COL4A1: variants seen among roughly 807,000 people sequenced by gnomAD.
COL4A1 encodes the protein collagen alpha-1(IV) chain.
COL4A1 carries 40 observed loss-of-function variants against 216.6 expected under a neutral mutation model. The observed-to-expected ratio is 0.18, with a 90% CI of 0.14 to 0.24. The LOEUF is 0.24. COL4A1 is among the 10% of genes least tolerant of loss of function. The probability of loss-of-function intolerance (pLI) is 1.00; values close to 1 mark genes in which losing one functional copy is unlikely to be tolerated. For missense variants in COL4A1, 1,628 were observed against 2,196.8 expected, an observed-to-expected ratio of 0.74 and a Z score of 5.18; for synonymous variants, 839 against 810.7, an observed-to-expected ratio of 1.03 and a Z score of -0.59.
At chr13:110,303,326 A>G (rs944910108) in intron 1 of COL4A1, among the ~76,000 whole-genome samples, 1 of 152,004 alleles carries the variant, frequency 6.6e-6, no homozygotes, top group African/African-American at 2.4e-5. Context: ...GAAAAGGGAC[A>G]GGACCACATA....
At chr13:110,213,615 C>A (rs3737327) in intron 4 of COL4A1, among the ~76,000 whole-genome samples, 167 bp downstream of exon 4, 2 of 151,854 alleles carry the variant, frequency 1.3e-5, no homozygotes, top group East Asian at 3.9e-4. Flanking sequence ...CAGGGAGTCA[C>A]GGGCTGCTCC....
intron 22 of COL4A1, among the ~76,000 whole-genome samples, chr13:110,193,548 G>A (rs964653564): frequency 9.9e-5 from 15 of 152,226 alleles, no homozygotes; most frequent in Non-Finnish European, 2.1e-4. Context: ...ATATTGAAAT[G>A]TCTGGTTTCT....
intron 1 of COL4A1, among the ~76,000 whole-genome samples, chr13:110,275,441 A>G (rs1011791466): frequency 6.6e-6 from 1 of 152,212 alleles, no homozygotes; most frequent in Non-Finnish European, 1.5e-5. Flanking sequence ...AAAAATTCTC[A>G]GTCATTGCGG....
Position 110,178,354 on chromosome 13 carries a change from T to A in COL4A1, c.2459-123A>T, listed in dbSNP as rs954323475. ...CGTGAGCACGCCCACACTGGGAACT[T>A]GAATGGATCATCTGTTAGGTGTTGG... On this transcript the variant is annotated intron_variant, in intron 31 of 51. Transcript: ENST00000375820. The A allele has an allele frequency of 5.2e-5, 60 of 1,161,472 alleles. 1 individual carries two copies. In the South Asian group the frequency reaches 7.1e-4, roughly 14 times the overall value. 71.9% of individuals were successfully genotyped at this position (1,161,472 alleles called of 1,614,324 possible). A position where few individuals can be genotyped will look rare whatever the true frequency, so the allele number is the denominator to read the frequency against.
intron 21 of COL4A1, among the ~76,000 whole-genome samples, chr13:110,198,111 G>GTGTGTGTA (rs1878991953): frequency 6.6e-6 from 1 of 151,850 alleles, no homozygotes; most frequent in Non-Finnish European, 1.5e-5. Context: ...GTGTGTGTGT[G>GTGTGTGTA]TGTGTGTCCT....
intron 50 of COL4A1, among the ~76,000 whole-genome samples, chr13:110,153,007 AAG>A (rs1876582306): frequency 1.3e-5 from 2 of 152,266 alleles, no homozygotes; most frequent in African/African-American, 4.8e-5. Context: ...AAACAAGAGA[AAG>A]AGAAAAAAAT....
chr13:110,303,373 C>A (rs993786245), intron 1 of COL4A1, among the ~76,000 whole-genome samples: 2 of 152,012 alleles, frequency 1.3e-5, no homozygotes, highest in African/African-American at 4.8e-5. Context: ...TCTTTTTTAA[C>A]ACTGGTCTCC....
At chr13:110,255,496 C>T (rs1882469713) in intron 1 of COL4A1, among the ~76,000 whole-genome samples, 1 of 135,580 alleles carries the variant, frequency 7.4e-6, no homozygotes, top group South Asian at 2.6e-4. Flanking sequence ...AGGAGGTTTC[C>T]CAATGAAAGA....
At chr13:110,200,967 GC>G in intron 19 of COL4A1, 78 bp from the exon 20 acceptor site, 1 of 1,508,418 alleles carries the variant, frequency 6.6e-7, no homozygotes, top group South Asian at 1.1e-5. Context: ...TCTACTGAAA[GC>G]CTTGCTTGGT....
intron 1 of COL4A1, among the ~76,000 whole-genome samples, chr13:110,293,497 A>G (rs1357414639): frequency 6.6e-6 from 1 of 152,328 alleles, no homozygotes; most frequent in East Asian, 1.9e-4. Flanking sequence ...AAAATTTGAC[A>G]TTATCTTCTA....
In COL4A1 at chr13:110,170,822, C is replaced by A. The variant is rs1481712162; in HGVS notation, c.3557-90G>T. 19 of 1,419,194 alleles carry A rather than the reference C, an allele frequency of 1.3e-5. No homozygotes were observed. The South Asian group carries it at 1.9e-4, about 14-fold the overall frequency. 87.9% of individuals were successfully genotyped at this position (1,419,194 alleles called of 1,614,324 possible). On this transcript the variant is annotated intron_variant, in intron 41 of 51. Transcript: ENST00000375820. Reference sequence around the variant, plus strand: ...GACGGCAGAGATGGGATGAGGCGTGCCTCATCCTGTAGGTACCGCTCAGAG... The same window carrying A: ...GACGGCAGAGATGGGATGAGGCGTGACTCATCCTGTAGGTACCGCTCAGAG...
intron 2 of COL4A1, among the ~76,000 whole-genome samples, chr13:110,214,310 G>A (rs1016418555): frequency 2.0e-5 from 3 of 151,998 alleles, no homozygotes; most frequent in East Asian, 1.9e-4. Flanking sequence ...GGCTGGTCTC[G>A]AACTTCTGAT....
chr13:110,296,957 G>C (rs1449187880), intron 1 of COL4A1, among the ~76,000 whole-genome samples: 1 of 152,086 alleles, frequency 6.6e-6, no homozygotes, highest in Non-Finnish European at 1.5e-5. Context: ...GTAGGGGAAG[G>C]GGCAGGGCTT....
chr13:110,199,576 C>T (rs1340910298), intron 20 of COL4A1, among the ~76,000 whole-genome samples: 3 of 152,170 alleles, frequency 2.0e-5, no homozygotes, highest in Non-Finnish European at 4.4e-5. Context: ...AATGAAGGAA[C>T]TACCCGGGCA....
chr13:110,186,290 C>A, intron 26 of COL4A1, 95 bp downstream of exon 26: 25 of 1,494,576 alleles, frequency 1.7e-5, no homozygotes, highest in Middle Eastern at 2.4e-4. Flanking sequence ...TGCGCCCTGG[C>A]CTATGCGAAC....
intron 1 of COL4A1, among the ~76,000 whole-genome samples, chr13:110,294,782 T>C (rs1017112830): frequency 6.6e-6 from 1 of 152,204 alleles, no homozygotes; most frequent in Non-Finnish European, 1.5e-5. Context: ...AGGCAGAAAT[T>C]GTTTGCTTCT....
intron 1 of COL4A1, among the ~76,000 whole-genome samples, chr13:110,246,381 C>G (rs766338791): frequency 1.3e-5 from 2 of 150,346 alleles, no homozygotes; most frequent in African/African-American, 2.4e-5. Context: ...CTGAGTACCC[C>G]CTTCACTCAG....
rs560962605 is a variant in COL4A1 at position 110,240,393 on chromosome 13, C to T, written c.144+2282G>A. On this transcript the variant is annotated intron_variant, in intron 2 of 51. Coordinates refer to ENST00000375820, the MANE Select transcript of COL4A1 (RefSeq NM_001845.6). ...AGGATCCTGCTCCTTCCATCCCAGT[C>T]CTGGCCCGGGCTCTGCTGACTCCCA... Among the ~76,000 whole-genome samples the T allele has an allele frequency of 1.3e-3, 192 of 152,340 alleles. 1 individual carries two copies. Among genetic ancestry groups the T allele is most frequent in the Non-Finnish European group, 2.1e-3 (140 of 68,020 alleles).
intron 40 of COL4A1, 101 bp downstream of exon 40, chr13:110,173,799 G>T: frequency 7.4e-7 from 1 of 1,350,580 alleles, no homozygotes; most frequent in Non-Finnish European, 1.1e-6. Flanking sequence ...CAGTCTAGGG[G>T]CCATTCTGTG....
Sources: gnomAD v4.1 joint callset for allele counts (sites outside exome capture counted in the v4.1 genomes callset) on GRCh38, gnomAD v4.1.1 for gene constraint, MANE v1.5 for transcripts, NCBI Gene and HGNC (gene_info 2026-07-23, HGNC 2026-07-21) for gene names.